GLMN: variants seen among roughly 807,000 people sequenced by gnomAD.
GLMN encodes glomulin, FKBP associated protein.
A neutral mutation model predicts 87.8 loss-of-function variants in GLMN; 75 were observed. The ratio of observed to expected loss-of-function variants is 0.85; its 90% CI spans 0.71 to 1.04. The LOEUF is 1.04. Among genes scored for constraint, GLMN ranks in the 50% least tolerant of loss-of-function variants. The pLI is 0.00. For synonymous variants in GLMN, 206 were observed against 221.6 expected (o/e 0.93, Z 0.63); for missense variants, 588 against 658.8 (o/e 0.89, Z 1.18).
chr1:92,337,558 C>G, the GLMN span, among the ~76,000 whole-genome samples: 5 of 152,108 alleles, frequency 3.3e-5, no homozygotes, highest in Non-Finnish European at 7.4e-5. Context: ...ATTAAACTAT[C>G]AAACCTTCAT....
chr1:92,361,747 T>C, the GLMN span, among the ~76,000 whole-genome samples: 1 of 152,210 alleles, frequency 6.6e-6, no homozygotes, highest in Non-Finnish European at 1.5e-5. Flanking sequence ...TATCTTTTAA[T>C]TCATTAGTTA....
chr1:92,307,925 G>A, the GLMN span, among the ~76,000 whole-genome samples: 1 of 152,072 alleles, frequency 6.6e-6, no homozygotes, highest in Non-Finnish European at 1.5e-5. Flanking sequence ...CCAATGAAAT[G>A]CTTAATGAGA....
At chr1:92,257,763 C>G (rs1361609340) in intron 16 of GLMN, among the ~76,000 whole-genome samples, 1 of 152,126 alleles carries the variant, frequency 6.6e-6, no homozygotes, top group Non-Finnish European at 1.5e-5. Flanking sequence ...GGATTAAAGA[C>G]TTAAACATAA....
intron 2 of GLMN, 143 bp downstream of exon 2, chr1:92,297,818 C>T (rs936188914): frequency 4.7e-6 from 3 of 640,168 alleles, no homozygotes; most frequent in Non-Finnish European, 8.4e-6. Flanking sequence ...CAATCTGCCT[C>T]CCCCACTCAT....
chr1:92,335,383 AAAG>A, the GLMN span, among the ~76,000 whole-genome samples: 7 of 152,228 alleles, frequency 4.6e-5, no homozygotes, highest in Non-Finnish European at 1.0e-4. Context: ...CTGGTCTTAA[AAAG>A]AAGCTTAAAA....
At chr1:92,276,513 T>A (rs554742353) in intron 7 of GLMN, among the ~76,000 whole-genome samples, 1 of 151,870 alleles carries the variant, frequency 6.6e-6, no homozygotes, top group Non-Finnish European at 1.5e-5. Flanking sequence ...AATACAAAAA[T>A]TGGCCAGGTG....
chr1:92,250,299 CAA>C (rs35821808), intron 16 of GLMN, among the ~76,000 whole-genome samples: 72,157 of 151,606 alleles, frequency 0.48, 18,125 homozygotes, highest in East Asian at 0.96. Flanking sequence ...ATCACTTAAA[CAA>C]TATAATTTTT....
intron 3 of GLMN, among the ~76,000 whole-genome samples, chr1:92,297,038 C>A (rs1010111442): frequency 1.3e-5 from 2 of 151,958 alleles, no homozygotes; most frequent in African/African-American, 4.8e-5. Context: ...ATTTATTTTG[C>A]CTCATTATTG....
At chr1:92,303,465 C>A (rs920239303), upstream of GLMN, among the ~76,000 whole-genome samples, 1 of 152,146 alleles carries the variant, frequency 6.6e-6, no homozygotes, top group Non-Finnish European at 1.5e-5. Flanking sequence ...CATCACCTCA[C>A]CACTCTGTAC....
At chr1:92,277,574 A>T (rs1647434287) in intron 7 of GLMN, among the ~76,000 whole-genome samples, 1 of 152,146 alleles carries the variant, frequency 6.6e-6, no homozygotes, top group South Asian at 2.1e-4. Context: ...CCACCCCAGT[A>T]AGGGAAAGGG....
At chr1:92,308,033 G>A in the GLMN span, among the ~76,000 whole-genome samples, 2 of 151,426 alleles carry the variant, frequency 1.3e-5, no homozygotes, top group African/African-American at 2.4e-5. Context: ...ATAAACTAAT[G>A]ACCTAAACAT....
chr1:92,303,250 G>GA (rs1650986787), upstream of GLMN, among the ~76,000 whole-genome samples: 1 of 152,148 alleles, frequency 6.6e-6, no homozygotes, highest in African/African-American at 2.4e-5. Context: ...AACTGCATCA[G>GA]AATCTGCATA....
chr1:92,352,610 G>C, the GLMN span, among the ~76,000 whole-genome samples: 2 of 152,140 alleles, frequency 1.3e-5, no homozygotes, highest in African/African-American at 4.8e-5. Context: ...GACCATATTT[G>C]AAGATCATTG....
chr1:92,269,169 TG>T (rs1236048447), intron 9 of GLMN, among the ~76,000 whole-genome samples: 2 of 151,450 alleles, frequency 1.3e-5, no homozygotes, highest in African/African-American at 4.8e-5. Context: ...CCCAAAGTGC[TG>T]GGATTATAGG....
chr1:92,276,696 T>G (rs1647340124), intron 7 of GLMN, among the ~76,000 whole-genome samples: 2 of 152,188 alleles, frequency 1.3e-5, no homozygotes, highest in African/African-American at 4.8e-5. Flanking sequence ...AAAATCTTGT[T>G]AGGTGTCATA....
At chr1:92,272,380 C>T (rs1267801408) in intron 7 of GLMN, among the ~76,000 whole-genome samples, 1 of 152,168 alleles carries the variant, frequency 6.6e-6, no homozygotes, top group East Asian at 1.9e-4. Context: ...AAAACTAATA[C>T]AGAAGCCAAC....
At chr1:92,366,719 C>G in the GLMN span, among the ~76,000 whole-genome samples, 2 of 152,160 alleles carry the variant, frequency 1.3e-5, no homozygotes, top group Admixed American at 6.6e-5. Context: ...TTTTATCTAA[C>G]ATACAGATAA....
In GLMN at chr1:92,297,354, T is replaced by C. The variant is rs200133514; in HGVS notation, c.165+50A>G. The stretch of plus-strand genomic sequence containing the variant: ...AAATGACTGGATGAATAGCATCATG[T>C]GATTATTCTCTTCCCAAGACTGAAA... On this transcript the variant is annotated intron_variant, in intron 3 of 18. Coordinates refer to ENST00000370360, the MANE Select transcript of GLMN (RefSeq NM_053274.3). The C allele has an allele frequency of 4.5e-4, 714 of 1,602,326 alleles. 1 individual carries two copies. The highest frequency in any genetic ancestry group is 1.2e-3 in the South Asian group (112 of 90,756).
chr1:92,267,915 G>T lies in GLMN; in HGVS notation c.1096C>A (p.Gln366Lys), dbSNP rs749444788. 3.8e-6 allele frequency: 5 copies of T among 1,317,314 alleles called. No homozygotes were observed. Among genetic ancestry groups the T allele is most frequent in the Non-Finnish European group, 5.5e-6 (5 of 909,194 alleles). 81.6% of individuals were successfully genotyped at this position (1,317,314 alleles called of 1,614,324 possible). The change falls in exon 11 of 19, where the codon CAG (glutamine) becomes AAG (lysine). Residue 366 changes from glutamine to lysine, a missense_variant and splice_region_variant. Gln to Lys is a moderately conservative substitution (Grantham distance 53, BLOSUM62 1). Transcript: ENST00000370360. ...LEIKSFLTVP[Q>K]GLVKVMTLCP... is the part of the protein sequence containing the mutation. ...ATTAGAATACATATTTTATTTACCT[G>T]AGGTACAGTAAGAAAACTCTTGATT...
Sources: gnomAD v4.1 joint callset for allele counts (sites outside exome capture counted in the v4.1 genomes callset) on GRCh38, gnomAD v4.1.1 for gene constraint, MANE v1.5 for transcripts, NCBI Gene and HGNC (gene_info 2026-07-23, HGNC 2026-07-21) for gene names.